Variants in PPP2R3C observed in about 807,000 individuals in gnomAD.
The protein encoded by PPP2R3C is protein phosphatase 2 regulatory subunit B''gamma, also known as serine/threonine-protein phosphatase 2A regulatory subunit B'' subunit gamma.
A neutral mutation model predicts 63.7 loss-of-function variants in PPP2R3C; 47 were observed. The observed-to-expected ratio is 0.74, with a 90% confidence interval of 0.58 to 0.94. The LOEUF is 0.94. Among genes scored for constraint, PPP2R3C ranks in the 40% least tolerant of loss-of-function variants. The pLI, the probability that PPP2R3C is intolerant of heterozygous loss-of-function variation, is 0.00. For synonymous variants in PPP2R3C, 180 were observed against 177.4 expected, an observed-to-expected ratio of 1.01 and a Z score of -0.12; for missense variants, 421 against 518.4, an observed-to-expected ratio of 0.81 and a Z score of 1.82.
chr14:35,110,725 C>A, intron 2 of PPP2R3C, 96 bp from the exon 3 acceptor site: 2 of 713,826 alleles, frequency 2.8e-6, no homozygotes, highest in South Asian at 1.8e-5. Flanking sequence ...GCCACCGCCT[C>A]GAATTATTTC....
At chr14:35,115,743 T>C (rs999144683) in intron 2 of PPP2R3C, among the ~76,000 whole-genome samples, 3 of 152,138 alleles carry the variant, frequency 2.0e-5, no homozygotes, top group African/African-American at 7.2e-5. Context: ...TGCCTCAGCC[T>C]CCTGAGTAGC....
chr14:35,107,644 A>G (rs536347992), intron 5 of PPP2R3C: 3 of 417,718 alleles, frequency 7.2e-6, no homozygotes, highest in Middle Eastern at 6.3e-4. Context: ...CTAGTATAAT[A>G]TTATGCCTTC....
At position 35,103,330 on chromosome 14, in the gene PPP2R3C, A is replaced by G. The variant is rs143991082; in HGVS notation, c.574-3946T>C. Among the ~76,000 whole-genome samples the G allele has an allele frequency of 4.3e-3, 660 of 152,278 alleles. 5 individuals are homozygous for G. The highest frequency in any genetic ancestry group is 0.015 in the African/African-American group (638 of 41,566). On this transcript the variant is annotated intron_variant, in intron 6 of 12. Coordinates refer to ENST00000261475, the MANE Select transcript of PPP2R3C (RefSeq NM_017917.4). ...CCAGGCTTAATTTTGCCTTGGAGAC[A>G]CTGTATTTGCCGTTTCCTCTATACT...
At chr14:35,087,701 CCTGA>C (rs2045655396) in intron 12 of PPP2R3C, 4 of 418,892 alleles carry the variant, frequency 9.5e-6, no homozygotes, top group African/African-American at 4.1e-5. Context: ...AGCCCGGCCC[CCTGA>C]CTGTCTTAAT....
Position 35,096,608 on chromosome 14 carries a change from T to G in PPP2R3C, c.788A>C (p.Glu263Ala). The change falls in exon 9 of 13, where the codon GAG (glutamate) becomes GCG (alanine). Residue 263 changes from glutamate (E) to alanine (A), a missense_variant. Physicochemically the swap from Glu to Ala is moderately radical, Grantham distance 107 (BLOSUM62 -1). Transcript: ENST00000261475. ...LELRDEELSKESQETNWFSAP... is the reference protein window; with the variant it reads ...LELRDEELSKASQETNWFSAP... ...AGAAAACCAATTTGTTTCTTGACTC[T>G]CCTTGGACAGTTCCTCATCCCTTAG... 6.2e-7 allele frequency: 1 copy of G among 1,613,902 alleles called. No homozygotes were observed. Among genetic ancestry groups the G allele is most frequent in the Non-Finnish European group, 8.5e-7 (1 of 1,179,890 alleles).
chr14:35,099,440 AG>A (rs2046113405), intron 6 of PPP2R3C, 56 bp from the exon 7 acceptor site: 10 of 1,537,344 alleles, frequency 6.5e-6, no homozygotes, highest in South Asian at 6.4e-5. Flanking sequence ...ATTAGATATT[AG>A]AATTTCATTA....
chr14:35,095,330 T>C, intron 9 of PPP2R3C, 146 bp from the exon 10 acceptor site: 1 of 769,844 alleles, frequency 1.3e-6, no homozygotes. Context: ...TGTGTAATAC[T>C]ATCAGCTACC....
Position 35,085,633 on chromosome 14 carries a change from A to G in PPP2R3C, c.1319T>C (p.Val440Ala), listed in dbSNP as rs1162051015. 1.9e-6 allele frequency: 3 copies of G among 1,613,102 alleles called. No individual in the cohort carries two copies. The highest frequency in any genetic ancestry group is 8.5e-7 in the Non-Finnish European group (1 of 1,179,736). ...FWTYENREALVANDSENSADL... is the reference protein window; with the variant it reads ...FWTYENREALAANDSENSADL... ...TGCAGAGTTTTCACTGTCATTTGCA[A>G]CAAGAGCCTCTCTGTTCTCGTAAGT... is the stretch of plus-strand genomic sequence containing the variant. The change falls in exon 13 of 13, where the codon GTT (valine) becomes GCT (alanine). Residue 440 changes from valine (V) to alanine (A), a missense_variant. Val to Ala is a moderately conservative substitution (Grantham distance 64, BLOSUM62 0). Transcript: ENST00000261475.
At chr14:35,114,180 A>G (rs1275809903) in intron 2 of PPP2R3C, among the ~76,000 whole-genome samples, 2 of 152,186 alleles carry the variant, frequency 1.3e-5, no homozygotes, top group Non-Finnish European at 2.9e-5. Context: ...AATCCCATTT[A>G]AAAAAATACA....
At position 35,107,280 on chromosome 14, in the gene PPP2R3C, AATATCT is replaced by A; in HGVS notation, c.573+18_573+23del. ...TTTTAGTGTCTATAAGAGTTAATAT[AATATCT>A]ATAAGGTTAACACTTACAGATTCCC... is the stretch of plus-strand genomic sequence containing the variant. On this transcript the variant is annotated intron_variant, in intron 6 of 12. Transcript: ENST00000261475. 3 of 1,529,146 alleles carry A rather than the reference AATATCT, an allele frequency of 2.0e-6. No individual in the cohort carries two copies. Among genetic ancestry groups the A allele is most frequent in the Non-Finnish European group, 2.7e-6 (3 of 1,103,578 alleles). The allele number at this position is 1,529,146 out of a possible 1,614,324, so 94.7% of individuals were successfully genotyped here. A position where few individuals can be genotyped will look rare whatever the true frequency, so the allele number is the denominator to read the frequency against.
chr14:35,106,496 C>G (rs1178157470), intron 6 of PPP2R3C: 1 of 152,406 alleles, frequency 6.6e-6, no homozygotes, highest in Non-Finnish European at 1.5e-5. Flanking sequence ...TATGCACCAC[C>G]ACAGCCCAGC....
chr14:35,100,990 T>A lies in PPP2R3C; in HGVS notation c.574-1606A>T, dbSNP rs1039164220. 5 of 152,242 alleles carry A rather than the reference T, an allele frequency of 3.3e-5. No homozygotes were observed. The South Asian group carries it at 8.3e-4, about 25-fold the overall frequency. The allele number at this position is 152,242 out of a possible 1,614,324, so 9.4% of individuals were successfully genotyped here. The stretch of plus-strand genomic sequence containing the variant: ...AAATGTCATGAATATATTCCTTTTT[T>A]TTCGAGATGGACTCTTGCTCTGTCA... On this transcript the variant is annotated intron_variant, in intron 6 of 12. Transcript: ENST00000261475.
chr14:35,118,653 C>CTTTTT (rs150866333), intron 1 of PPP2R3C, among the ~76,000 whole-genome samples: 1 of 125,836 alleles, frequency 7.9e-6, no homozygotes, highest in East Asian at 2.3e-4. Flanking sequence ...AGGTACCTTC[C>CTTTTT]TTTTTTTTTT....
intron 11 of PPP2R3C, 51 bp from the exon 12 acceptor site, chr14:35,088,061 C>A (rs1327289721): frequency 7.8e-7 from 1 of 1,278,320 alleles, no homozygotes; most frequent in Admixed American, 1.7e-5. Context: ...TACACAACAT[C>A]CCTCTTTTGC....
At chr14:35,092,573 TCTC>T (rs2045856266) in intron 10 of PPP2R3C, among the ~76,000 whole-genome samples, 1 of 151,952 alleles carries the variant, frequency 6.6e-6, no homozygotes, top group Non-Finnish European at 1.5e-5. Flanking sequence ...TTCAAGTCAT[TCTC>T]CTGCCTCAGC....
chr14:35,111,443 T>C (rs1566424182), intron 2 of PPP2R3C, among the ~76,000 whole-genome samples: 1 of 152,158 alleles, frequency 6.6e-6, no homozygotes, highest in Non-Finnish European at 1.5e-5. Context: ...ATTAATAAAT[T>C]TGGGAGAAAT....
At chr14:35,089,856 T>C (rs35507318) in intron 11 of PPP2R3C, among the ~76,000 whole-genome samples, 61 of 151,554 alleles carry the variant, frequency 4.0e-4, no homozygotes, top group African/African-American at 7.8e-4. Context: ...TTAGTAGAGA[T>C]GGGTTTCACC....
In PPP2R3C at chr14:35,085,552, A is replaced by G. The variant is rs1028400028; in HGVS notation, c.*38T>C. ...TTAAAGGCTTTACATGCAGCATTCA[A>G]GTATCTCATAATATAAGACAGTCTA... On this transcript the variant is annotated 3_prime_UTR_variant, in exon 13 of 13. Coordinates refer to ENST00000261475, the MANE Select transcript of PPP2R3C (RefSeq NM_017917.4). 2 of 1,513,376 alleles carry G rather than the reference A, an allele frequency of 1.3e-6. No individual in the cohort carries two copies. The highest frequency in any genetic ancestry group is 1.8e-4 in the Middle Eastern group (1 of 5,686). The allele number at this position is 1,513,376 out of a possible 1,614,324, so 93.7% of individuals were successfully genotyped here.
chr14:35,121,839 C>T (rs1387549203), intron 1 of PPP2R3C, 63 bp downstream of exon 1: 1 of 1,562,884 alleles, frequency 6.4e-7, no homozygotes. Context: ...CTCCCCACCT[C>T]CCCCCTACCT....
Sources: gnomAD v4.1 joint callset for allele counts (sites outside exome capture counted in the v4.1 genomes callset) on GRCh38, gnomAD v4.1.1 for gene constraint, MANE v1.5 for transcripts, NCBI Gene and HGNC (gene_info 2026-07-23, HGNC 2026-07-21) for gene names.